Variants in SAMMSON observed in about 807,000 individuals in gnomAD.
SAMMSON encodes the protein long intergenic non-protein coding RNA 1212.
chr3:70,079,439 G>A (rs1024166354), intron 4 of SAMMSON, among the ~76,000 whole-genome samples: 5 of 152,122 alleles, frequency 3.3e-5, no homozygotes, highest in African/African-American at 1.2e-4. Context: ...TTATGATGGT[G>A]TGACTTATGA....
rs116934771 is a variant in SAMMSON at position 70,152,162 on chromosome 3, C to T, written n.507+80597C>T. On this transcript the variant is annotated intron_variant and non_coding_transcript_variant, in intron 4 of 9. Coordinates refer to ENST00000642114, the Ensembl canonical transcript of SAMMSON. ...GCACCTGTTGCAGAAATATGTTTATCCTTAAAATTTTAAAATATTACTCTA... is the reference window on the plus strand; with the variant it reads ...GCACCTGTTGCAGAAATATGTTTATTCTTAAAATTTTAAAATATTACTCTA... Among the ~76,000 whole-genome samples, 85 of 151,760 alleles carry T rather than the reference C, an allele frequency of 5.6e-4. 1 individual carries two copies. The East Asian group carries it at 0.015, about 26-fold the overall frequency.
chr3:70,135,652 AC>A (rs746887039), intron 4 of SAMMSON, among the ~76,000 whole-genome samples: 29 of 152,310 alleles, frequency 1.9e-4, no homozygotes, highest in Non-Finnish European at 3.7e-4. Flanking sequence ...ATCCAGAGAC[AC>A]CCACGGTTAA....
chr3:70,377,009 C>G (rs1703023005), intron 9 of SAMMSON, among the ~76,000 whole-genome samples: 1 of 152,034 alleles, frequency 6.6e-6, no homozygotes. Flanking sequence ...TACAATAAAG[C>G]AAAGGCATAC....
At chr3:70,256,378 T>C (rs1701816451) in intron 6 of SAMMSON, among the ~76,000 whole-genome samples, 1 of 152,212 alleles carries the variant, frequency 6.6e-6, no homozygotes, top group Non-Finnish European at 1.5e-5. Flanking sequence ...TAAACTAATC[T>C]CTAAGATTCC....
At chr3:70,375,195 G>A (rs903705928) in intron 9 of SAMMSON, among the ~76,000 whole-genome samples, 9 of 151,892 alleles carry the variant, frequency 5.9e-5, no homozygotes, top group African/African-American at 9.7e-5. Context: ...CATTCACATC[G>A]CATTTTATCT....
At chr3:70,364,044 G>A (rs1057083697) in intron 9 of SAMMSON, among the ~76,000 whole-genome samples, 2 of 151,574 alleles carry the variant, frequency 1.3e-5, no homozygotes, top group African/African-American at 4.8e-5. Flanking sequence ...ATTCCTCCCT[G>A]CCCCCTTTCC....
intron 4 of SAMMSON, among the ~76,000 whole-genome samples, chr3:70,192,122 A>G (rs1220593848): frequency 6.6e-6 from 1 of 152,144 alleles, no homozygotes; most frequent in Non-Finnish European, 1.5e-5. Context: ...GCAATCCATG[A>G]CCAAGAAATG....
At chr3:70,117,780 A>G (rs2067417331) in intron 4 of SAMMSON, among the ~76,000 whole-genome samples, 1 of 152,218 alleles carries the variant, frequency 6.6e-6, no homozygotes, top group African/African-American at 2.4e-5. Context: ...ATAATTGTTT[A>G]GATACATAAA....
intron 6 of SAMMSON, among the ~76,000 whole-genome samples, chr3:70,284,429 C>T (rs1044763772): frequency 5.9e-5 from 9 of 152,068 alleles, no homozygotes; most frequent in African/African-American, 2.2e-4. Context: ...AAAAGAGAAC[C>T]TCTCACTTTG....
intron 2 of SAMMSON, among the ~76,000 whole-genome samples, chr3:70,411,263 A>C (rs1229139016): frequency 6.6e-6 from 1 of 152,192 alleles, no homozygotes; most frequent in East Asian, 1.9e-4. Flanking sequence ...TGTCAGATAC[A>C]GTTAGCTTTA....
At chr3:70,027,026 G>A (rs1439772421) in intron 3 of SAMMSON, among the ~76,000 whole-genome samples, 1 of 151,980 alleles carries the variant, frequency 6.6e-6, no homozygotes, top group African/African-American at 2.4e-5. Context: ...TTGTAAAATG[G>A]GTTCTTTAAA....
At chr3:70,251,034 A>G (rs1701761456) in intron 6 of SAMMSON, among the ~76,000 whole-genome samples, 1 of 152,228 alleles carries the variant, frequency 6.6e-6, no homozygotes. Flanking sequence ...CTTTCCAGAG[A>G]GACTTAGAGA....
intron 9 of SAMMSON, among the ~76,000 whole-genome samples, chr3:70,375,883 C>T (rs1371028521): frequency 6.6e-6 from 1 of 152,106 alleles, no homozygotes; most frequent in South Asian, 2.1e-4. Context: ...TCTTCCCAAT[C>T]TAAACTGTTT....
At chr3:70,145,041 C>T (rs914021471) in intron 4 of SAMMSON, among the ~76,000 whole-genome samples, 1 of 152,106 alleles carries the variant, frequency 6.6e-6, no homozygotes, top group African/African-American at 2.4e-5. Context: ...AATCTGTTAC[C>T]CATCTTTCTC....
chr3:70,266,415 T>C (rs1449594871), intron 6 of SAMMSON, among the ~76,000 whole-genome samples: 1 of 151,596 alleles, frequency 6.6e-6, no homozygotes, highest in East Asian at 1.9e-4. Context: ...TATTTTTAAA[T>C]TATATTATTA....
At chr3:70,049,859 T>G (rs1033156911) in intron 3 of SAMMSON, among the ~76,000 whole-genome samples, 6 of 152,116 alleles carry the variant, frequency 3.9e-5, no homozygotes, top group Non-Finnish European at 5.9e-5. Flanking sequence ...GGAATTGATG[T>G]GTGGAAAGAG....
intron 3 of SAMMSON, among the ~76,000 whole-genome samples, chr3:70,043,806 A>T (rs2067114283): frequency 6.6e-6 from 1 of 152,062 alleles, no homozygotes; most frequent in Non-Finnish European, 1.5e-5. Flanking sequence ...TGCATTTTTG[A>T]TGTAGATTTT....
intron 4 of SAMMSON, among the ~76,000 whole-genome samples, chr3:70,091,598 T>G (rs1427512243): frequency 2.6e-5 from 4 of 152,210 alleles, no homozygotes; most frequent in African/African-American, 7.2e-5. Context: ...CCAAATCTGT[T>G]GATGAGGCAT....
intron 2 of SAMMSON, among the ~76,000 whole-genome samples, chr3:70,421,962 T>C (rs148032346): frequency 1.3e-5 from 2 of 152,216 alleles, no homozygotes; most frequent in African/African-American, 4.8e-5. Flanking sequence ...AATTGACTAA[T>C]GTCTGGTCCA....
Sources: gnomAD v4.1 joint callset for allele counts (sites outside exome capture counted in the v4.1 genomes callset) on GRCh38, gnomAD v4.1.1 for gene constraint, MANE v1.5 for transcripts, NCBI Gene and HGNC (gene_info 2026-07-23, HGNC 2026-07-21) for gene names.